The following TTC29 variants were observed in gnomAD, a reference collection of about 807,000 sequenced individuals.
The protein encoded by TTC29 is tetratricopeptide repeat protein 29.
TTC29 carries 49 observed loss-of-function variants against 58.1 expected under a neutral mutation model. The observed-to-expected ratio is 0.84, with a 90% CI of 0.67 to 1.07. TTC29 has a LOEUF of 1.07. Ranked by LOEUF, TTC29 falls within the 50% of genes least tolerant of loss-of-function variation. The pLI, the probability that TTC29 is intolerant of heterozygous loss-of-function variation, is 0.00. For synonymous variants in TTC29, 209 were observed against 196.8 expected (o/e 1.06, Z -0.52); for missense variants, 582 against 555.6 (o/e 1.05, Z -0.48).
At chr4:146,812,943 A>G (rs1179340292) in intron 10 of TTC29, 1 of 152,206 alleles carries the variant, frequency 6.6e-6, no homozygotes, top group African/African-American at 2.4e-5. Flanking sequence ...AATCTCAAAT[A>G]TGAGTTTGAC....
intron 11 of TTC29, among the ~76,000 whole-genome samples, chr4:146,760,260 A>G (rs1746779233): frequency 6.6e-6 from 1 of 152,110 alleles, no homozygotes; most frequent in Non-Finnish European, 1.5e-5. Flanking sequence ...GAGGAAAACT[A>G]CAAAACACTG....
chr4:146,750,156 T>C (rs985447224), intron 11 of TTC29, among the ~76,000 whole-genome samples: 1 of 152,038 alleles, frequency 6.6e-6, no homozygotes, highest in East Asian at 1.9e-4. Context: ...TACAGGCGCC[T>C]GCCACCAGGC....
chr4:146,905,940 G>T (rs1374976333), intron 5 of TTC29, among the ~76,000 whole-genome samples: 6 of 152,062 alleles, frequency 3.9e-5, no homozygotes, highest in African/African-American at 1.4e-4. Context: ...GTGGAATTTT[G>T]CCTTAGAACA....
chr4:146,835,254 TTAA>T (rs1208003567), intron 8 of TTC29, among the ~76,000 whole-genome samples: 1 of 152,170 alleles, frequency 6.6e-6, no homozygotes, highest in South Asian at 2.1e-4. Context: ...TTTAAGTCTC[TTAA>T]TAACCCTTGT....
chr4:146,748,400 G>A (rs1019936173), intron 11 of TTC29, among the ~76,000 whole-genome samples: 11 of 152,114 alleles, frequency 7.2e-5, no homozygotes, highest in African/African-American at 2.4e-4. Flanking sequence ...CTGAGCCCAG[G>A]AACCTGGCTC....
intron 4 of TTC29, among the ~76,000 whole-genome samples, chr4:146,933,376 C>T (rs996473675): frequency 2.0e-5 from 3 of 152,170 alleles, no homozygotes; most frequent in African/African-American, 7.2e-5. Context: ...CTGTAAAGTG[C>T]CCTCTAGAAA....
At chr4:146,766,893 G>A (rs1013652387) in intron 11 of TTC29, among the ~76,000 whole-genome samples, 7 of 151,998 alleles carry the variant, frequency 4.6e-5, no homozygotes, top group African/African-American at 1.7e-4. Flanking sequence ...ACATTTAGAA[G>A]TTGTCCAGTC....
At chr4:146,753,086 A>C (rs958256496) in intron 11 of TTC29, among the ~76,000 whole-genome samples, 1 of 152,246 alleles carries the variant, frequency 6.6e-6, no homozygotes, top group Non-Finnish European at 1.5e-5. Flanking sequence ...CTGTACAGCA[A>C]AAGAAACCAC....
chr4:146,796,992 T>C (rs1021002965), intron 11 of TTC29, among the ~76,000 whole-genome samples: 2 of 151,984 alleles, frequency 1.3e-5, no homozygotes, highest in Admixed American at 1.3e-4. Context: ...AAAGTTTGTG[T>C]AATCTAAGAA....
At chr4:146,902,422 A>T (rs1272095753) in intron 6 of TTC29, among the ~76,000 whole-genome samples, 1 of 152,198 alleles carries the variant, frequency 6.6e-6, no homozygotes, top group African/African-American at 2.4e-5. Context: ...ACAAACCTGC[A>T]TATGTACCCC....
At chr4:146,786,972 T>C (rs1749070846) in intron 11 of TTC29, among the ~76,000 whole-genome samples, 1 of 151,664 alleles carries the variant, frequency 6.6e-6, no homozygotes, top group Non-Finnish European at 1.5e-5. Flanking sequence ...AGAAAAAAAA[T>C]TAGCTGGGTG....
intron 11 of TTC29, among the ~76,000 whole-genome samples, chr4:146,710,327 T>C (rs1446019394): frequency 6.6e-6 from 1 of 152,168 alleles, no homozygotes; most frequent in Non-Finnish European, 1.5e-5. Context: ...ATATTTACTA[T>C]AGCTAAACAT....
chr4:146,877,400 T>C (rs1731337594), intron 6 of TTC29, among the ~76,000 whole-genome samples: 1 of 152,186 alleles, frequency 6.6e-6, no homozygotes, highest in Non-Finnish European at 1.5e-5. Context: ...CTTTTTCACA[T>C]TGAGACCAAT....
intron 4 of TTC29, among the ~76,000 whole-genome samples, chr4:146,932,090 TC>T (rs1735378106): frequency 6.6e-6 from 1 of 152,162 alleles, no homozygotes; most frequent in Non-Finnish European, 1.5e-5. Flanking sequence ...ATCCTAGAGA[TC>T]TGATCTCGAA....
intron 6 of TTC29, among the ~76,000 whole-genome samples, chr4:146,880,576 C>G (rs1731558841): frequency 6.6e-6 from 1 of 152,152 alleles, no homozygotes; most frequent in Non-Finnish European, 1.5e-5. Flanking sequence ...TGCACAACAT[C>G]TTTGCAAGTT....
At chr4:146,882,087 A>G (rs1414533044) in intron 6 of TTC29, among the ~76,000 whole-genome samples, 1 of 152,134 alleles carries the variant, frequency 6.6e-6, no homozygotes, top group Non-Finnish European at 1.5e-5. Flanking sequence ...AACCTCACCC[A>G]GGGTTTTATT....
chr4:146,880,192 A>G (rs776221076), intron 6 of TTC29, among the ~76,000 whole-genome samples: 104 of 152,316 alleles, frequency 6.8e-4, no homozygotes, highest in Non-Finnish European at 1.2e-3. Flanking sequence ...ATCAGAAAAC[A>G]CAGCTTAGGA....
At chr4:146,874,997 GTT>G in intron 6 of TTC29, 69 bp from the exon 7 acceptor site, 1 of 1,223,216 alleles carries the variant, frequency 8.2e-7, no homozygotes, top group Non-Finnish European at 1.2e-6. Flanking sequence ...TTTTGCATAC[GTT>G]TTAGCTTTAT....
chr4:146,880,398 A>T (rs1386399241), intron 6 of TTC29, among the ~76,000 whole-genome samples: 4 of 152,146 alleles, frequency 2.6e-5, no homozygotes, highest in African/African-American at 9.7e-5. Flanking sequence ...ACTTTATCTA[A>T]AGCCCACACA....
Sources: allele counts gnomAD v4.1 joint callset (sites outside exome capture counted in the v4.1 genomes callset), GRCh38; gene constraint gnomAD v4.1.1; transcripts MANE v1.5; gene names NCBI Gene and HGNC (gene_info 2026-07-23, HGNC 2026-07-21).